GBE1: variants seen among roughly 807,000 people sequenced by gnomAD.
GBE1 encodes the protein 1,4-alpha-glucan branching enzyme 1, also known as 1,4-alpha-glucan-branching enzyme.
Under a neutral mutation model 88.8 loss-of-function variants are expected in GBE1, and 70 were observed. The observed-to-expected ratio is 0.79, with a 90% CI of 0.65 to 0.96. The LOEUF (loss-of-function observed/expected upper bound fraction) is 0.96. GBE1 is among the 40% of genes least tolerant of loss of function. GBE1 has a pLI of 0.00. For missense variants in GBE1, 872 were observed against 871.0 expected, an observed-to-expected ratio of 1.00 and a Z score of -0.01; for synonymous variants, 284 against 300.1, an observed-to-expected ratio of 0.95 and a Z score of 0.56.
intron 14 of GBE1, among the ~76,000 whole-genome samples, chr3:81,517,490 T>G (rs1176142889): frequency 6.6e-6 from 1 of 151,432 alleles, no homozygotes. Context: ...CTGCACTGTC[T>G]CCAAGTTATG....
chr3:81,757,688 G>A (rs567634852), intron 1 of GBE1, among the ~76,000 whole-genome samples: 1 of 152,266 alleles, frequency 6.6e-6, no homozygotes, highest in South Asian at 2.1e-4. Context: ...CACTGCGATT[G>A]GGTTGACAGG....
intron 12 of GBE1, among the ~76,000 whole-genome samples, chr3:81,553,302 G>A (rs573689259): frequency 6.7e-6 from 1 of 149,356 alleles, no homozygotes; most frequent in South Asian, 2.1e-4. Flanking sequence ...AGGCTTGAGT[G>A]TTCTCCTGTG....
chr3:81,580,158 T>C (rs1316388174), intron 11 of GBE1, among the ~76,000 whole-genome samples: 3 of 152,186 alleles, frequency 2.0e-5, no homozygotes, highest in Non-Finnish European at 4.4e-5. Context: ...CTTCAAACAT[T>C]TTATTGTCTA....
intron 3 of GBE1, among the ~76,000 whole-genome samples, chr3:81,664,003 G>A (rs977593915): frequency 3.3e-5 from 5 of 151,994 alleles, no homozygotes; most frequent in African/African-American, 7.3e-5. Flanking sequence ...ATCATAAAAA[G>A]GGGCTGTGCA....
At chr3:81,725,566 AAGTAT>A (rs1265857070) in intron 1 of GBE1, among the ~76,000 whole-genome samples, 3 of 152,206 alleles carry the variant, frequency 2.0e-5, no homozygotes, top group Admixed American at 6.5e-5. Flanking sequence ...TAACAATTTA[AAGTAT>A]AGTATAATAA....
At chr3:81,670,983 C>T (rs1705181283) in intron 2 of GBE1, 30 bp from the exon 3 acceptor site, 4 of 1,086,588 alleles carry the variant, frequency 3.7e-6, no homozygotes, top group African/African-American at 3.3e-5. Flanking sequence ...CAGTTAACAA[C>T]AGCATGATAG....
At chr3:81,655,422 A>T (rs1704919993) in intron 3 of GBE1, among the ~76,000 whole-genome samples, 1 of 152,242 alleles carries the variant, frequency 6.6e-6, no homozygotes, top group Non-Finnish European at 1.5e-5. Context: ...AAAATTTGTA[A>T]TTAAGTAGAA....
intron 1 of GBE1, among the ~76,000 whole-genome samples, chr3:81,745,361 A>G (rs1706407024): frequency 6.6e-6 from 1 of 152,174 alleles, no homozygotes; most frequent in South Asian, 2.1e-4. Context: ...TTACATATTT[A>G]CAGAACAAAA....
At chr3:81,658,301 G>T (rs1307468128) in intron 3 of GBE1, among the ~76,000 whole-genome samples, 1 of 151,906 alleles carries the variant, frequency 6.6e-6, no homozygotes, top group Non-Finnish European at 1.5e-5. Flanking sequence ...ATGAGTGTCA[G>T]ACCAGTTTAT....
intron 12 of GBE1, among the ~76,000 whole-genome samples, chr3:81,545,675 C>A (rs548991610): frequency 6.6e-6 from 1 of 152,090 alleles, no homozygotes; most frequent in South Asian, 2.1e-4. Context: ...CCAGTCCACT[C>A]TTTTCCATGG....
intron 12 of GBE1, among the ~76,000 whole-genome samples, chr3:81,572,911 G>T (rs1703593555): frequency 6.6e-6 from 1 of 152,186 alleles, no homozygotes; most frequent in Non-Finnish European, 1.5e-5. Flanking sequence ...AAGGCCATAT[G>T]ACTCTACTCC....
At chr3:81,538,434 AT>A (rs757452953) in intron 12 of GBE1, among the ~76,000 whole-genome samples, 4 of 152,022 alleles carry the variant, frequency 2.6e-5, no homozygotes, top group Non-Finnish European at 5.9e-5. Flanking sequence ...GTCTACAAAC[AT>A]TTTGCTCAAT....
At chr3:81,649,962 A>G in intron 3 of GBE1, 41 bp from the exon 4 acceptor site, 1 of 1,525,954 alleles carries the variant, frequency 6.6e-7, no homozygotes, top group Non-Finnish European at 9.0e-7. Context: ...AAATACATCC[A>G]GAACTCTGAT....
chr3:81,713,114 A>T (rs188122454), intron 1 of GBE1, among the ~76,000 whole-genome samples: 66 of 152,350 alleles, frequency 4.3e-4, no homozygotes, highest in African/African-American at 1.5e-3. Flanking sequence ...GTGCAATGGG[A>T]AACAATGTCC....
At chr3:81,751,589 T>G (rs887179342) in intron 1 of GBE1, among the ~76,000 whole-genome samples, 31 of 152,350 alleles carry the variant, frequency 2.0e-4, no homozygotes, top group Middle Eastern at 3.4e-3. Flanking sequence ...TGCCAAGCTG[T>G]GCCCAATCAA....
At chr3:81,659,716 T>A (rs1035658406) in intron 3 of GBE1, among the ~76,000 whole-genome samples, 3 of 151,818 alleles carry the variant, frequency 2.0e-5, no homozygotes, top group Admixed American at 6.6e-5. Flanking sequence ...AAAAAAGAAA[T>A]AACTCAACCC....
intron 1 of GBE1, among the ~76,000 whole-genome samples, chr3:81,761,021 A>C (rs984214666): frequency 6.6e-6 from 1 of 152,244 alleles, no homozygotes; most frequent in African/African-American, 2.4e-5. Context: ...AGTGGGTGCC[A>C]AAGTCAGAAA....
chr3:81,579,088 T>C (rs1703687059), intron 11 of GBE1, among the ~76,000 whole-genome samples: 1 of 152,016 alleles, frequency 6.6e-6, no homozygotes, highest in Admixed American at 6.6e-5. Context: ...ATTATTTTAA[T>C]AACTTTGGAT....
chr3:81,490,554 C>T, intron 15 of GBE1, 91 bp from the exon 16 acceptor site: 2 of 1,010,298 alleles, frequency 2.0e-6, no homozygotes, highest in African/African-American at 1.6e-5. Context: ...CGCAGTCTCA[C>T]ATCTGCCTAA....
Sources: allele counts gnomAD v4.1 joint callset (sites outside exome capture counted in the v4.1 genomes callset), GRCh38; gene constraint gnomAD v4.1.1; transcripts MANE v1.5; gene names NCBI Gene and HGNC (gene_info 2026-07-23, HGNC 2026-07-21).